The following UBE2E2 variants were observed in gnomAD, a reference collection of about 807,000 sequenced individuals.
The protein encoded by UBE2E2 is ubiquitin conjugating enzyme E2 E2, also known as ubiquitin-conjugating enzyme E2 E2.
A neutral mutation model predicts 24.7 loss-of-function variants in UBE2E2; 6 were observed. That is an observed-to-expected ratio of 0.24 (90% confidence interval 0.13 to 0.48). UBE2E2 has a LOEUF of 0.48. UBE2E2 is among the 20% of genes least tolerant of loss of function. UBE2E2 has a pLI of 0.99. For synonymous variants in UBE2E2, 104 were observed against 83.6 expected (o/e 1.24, Z -1.33); for missense variants, 169 against 245.0 (o/e 0.69, Z 2.07).
rs71974866 is a variant in UBE2E2 at position 23,407,647 on chromosome 3, A to ATGTGTGTGTGTGTGTG, written c.228-91933_228-91918dup. On this transcript the variant is annotated intron_variant, in intron 3 of 5. Coordinates refer to ENST00000396703, the MANE Select transcript of UBE2E2 (RefSeq NM_152653.4). The surrounding 1 kb of genome is among the most constrained non-coding windows in gnomAD (Gnocchi z 4.0). ...TGTGTGTTTGTGTGTGCATGCGTGC[A>ATGTGTGTGTGTGTGTG]TGTGTGTGTGTGTGTGTGTGTGTGT... 7.2e-6 allele frequency among the ~76,000 whole-genome samples: 1 copy of ATGTGTGTGTGTGTGTG among 138,028 alleles called. No individual in the cohort carries two copies. The highest frequency in any genetic ancestry group is 2.7e-5 in the African/African-American group (1 of 37,298). 90.6% of individuals were successfully genotyped at this position (138,028 alleles called of 152,430 possible). A position where few individuals can be genotyped will look rare whatever the true frequency, so the allele number is the denominator to read the frequency against.
intron 3 of UBE2E2, among the ~76,000 whole-genome samples, chr3:23,288,626 T>C (rs1698680695): frequency 6.6e-6 from 1 of 152,222 alleles, no homozygotes; most frequent in African/African-American, 2.4e-5. Context: ...TTATGTTATA[T>C]CCTCTTGCTG....
intron 3 of UBE2E2, among the ~76,000 whole-genome samples, chr3:23,481,526 T>C (rs1699259702): frequency 6.6e-6 from 1 of 152,240 alleles, no homozygotes; most frequent in Admixed American, 6.5e-5. Context: ...TAATGCTTAG[T>C]TCAGTCACAA....
Position 23,443,399 on chromosome 3 carries a change from A to T in UBE2E2, c.228-56209A>T, listed in dbSNP as rs1482486544. ...AGGGGTGGAGAGTCAATACATGGAT[A>T]AGCTATTGTGGTACCTGCCACCACT... On this transcript the variant is annotated intron_variant, in intron 3 of 5. Coordinates refer to ENST00000396703, the MANE Select transcript of UBE2E2 (RefSeq NM_152653.4). 2.0e-5 allele frequency among the ~76,000 whole-genome samples: 3 copies of T among 152,182 alleles called. No individual in the cohort carries two copies. In the East Asian group the frequency reaches 5.8e-4, roughly 29 times the overall value.
Position 23,519,573 on chromosome 3 carries a change from T to C in UBE2E2, c.361-12981T>C, listed in dbSNP as rs562187751. Among the ~76,000 whole-genome samples the C allele has an allele frequency of 2.1e-4, 32 of 152,332 alleles. 1 individual carries two copies. Among genetic ancestry groups the C allele is most frequent in the Admixed American group, 5.9e-4 (9 of 15,290 alleles). On this transcript the variant is annotated intron_variant, in intron 4 of 5. Coordinates refer to ENST00000396703, the MANE Select transcript of UBE2E2 (RefSeq NM_152653.4). Reference sequence around the variant, plus strand: ...AGATTATACATGTTAAGTGAGAGTTTTCAAGTCATGTTGAAACAGTTGTTT... The same window carrying C: ...AGATTATACATGTTAAGTGAGAGTTCTCAAGTCATGTTGAAACAGTTGTTT...
intron 4 of UBE2E2, among the ~76,000 whole-genome samples, chr3:23,524,865 GACACAC>G (rs59806964): frequency 8.1e-5 from 12 of 147,426 alleles, no homozygotes; most frequent in African/African-American, 2.0e-4. Flanking sequence ...CAGACACACA[GACACAC>G]ACACACACAC....
chr3:23,562,889 T>C (rs1328931637), intron 5 of UBE2E2, among the ~76,000 whole-genome samples: 1 of 152,242 alleles, frequency 6.6e-6, no homozygotes, highest in Admixed American at 6.5e-5. Flanking sequence ...GATGGTAGTT[T>C]GTATTTCTGT....
intron 3 of UBE2E2, among the ~76,000 whole-genome samples, chr3:23,307,110 G>C (rs753150220): frequency 1.3e-5 from 2 of 152,144 alleles, no homozygotes; most frequent in Non-Finnish European, 2.9e-5. Context: ...TGCTAACTTG[G>C]AGATGTTTTG....
chr3:23,266,536 T>C (rs1431044358), intron 3 of UBE2E2, among the ~76,000 whole-genome samples: 1 of 152,068 alleles, frequency 6.6e-6, no homozygotes, highest in African/African-American at 2.4e-5. Context: ...GGCTTCCCTT[T>C]GTGGGTAACC....
intron 3 of UBE2E2, among the ~76,000 whole-genome samples, chr3:23,357,750 A>G (rs559413245): frequency 2.0e-5 from 3 of 152,344 alleles, no homozygotes; most frequent in African/African-American, 7.2e-5. Flanking sequence ...CAGCAACAGT[A>G]TCTGACTCCT....
intron 3 of UBE2E2, among the ~76,000 whole-genome samples, chr3:23,220,864 A>C (rs1465640715): frequency 6.6e-6 from 1 of 152,238 alleles, no homozygotes; most frequent in African/African-American, 2.4e-5. Context: ...GCAAGATCTT[A>C]GATCTGTGCA....
At position 23,428,150 on chromosome 3, in the gene UBE2E2, G is replaced by A. The variant is rs926033304; in HGVS notation, c.228-71458G>A. Among the ~76,000 whole-genome samples, 12 of 152,148 alleles carry A rather than the reference G, an allele frequency of 7.9e-5. No individual in the cohort carries two copies. In the East Asian group the frequency reaches 2.3e-3, roughly 29 times the overall value. On this transcript the variant is annotated intron_variant, in intron 3 of 5. Transcript: ENST00000396703. ...TAAGCTCACATGAAACATTCACCAA[G>A]GTAAACTGCATTCTGGATCATAAAA... is the stretch of plus-strand genomic sequence containing the variant.
intron 3 of UBE2E2, among the ~76,000 whole-genome samples, chr3:23,362,980 G>GT (rs1333682437): frequency 6.6e-6 from 1 of 152,156 alleles, no homozygotes; most frequent in African/African-American, 2.4e-5. Flanking sequence ...AGAAGAGATT[G>GT]GGGGGTCTAT....
intron 3 of UBE2E2, among the ~76,000 whole-genome samples, chr3:23,345,486 C>T (rs919819181): frequency 6.6e-6 from 1 of 152,118 alleles, no homozygotes; most frequent in African/African-American, 2.4e-5. Context: ...TTCTTTAGAG[C>T]TTTGATTGCA....
chr3:23,212,747 G>C (rs1054884742), intron 2 of UBE2E2, among the ~76,000 whole-genome samples: 3 of 151,984 alleles, frequency 2.0e-5, no homozygotes, highest in African/African-American at 7.2e-5. Flanking sequence ...TGTAATTACT[G>C]TATTTTCTTC....
chr3:23,331,945 A>T (rs1012541912), intron 3 of UBE2E2, among the ~76,000 whole-genome samples: 5 of 152,190 alleles, frequency 3.3e-5, no homozygotes, highest in South Asian at 2.1e-4. Context: ...TAATTTTAAA[A>T]TTTTTTTTAA....
chr3:23,524,659 G>A (rs914079213), intron 4 of UBE2E2, among the ~76,000 whole-genome samples: 2 of 152,118 alleles, frequency 1.3e-5, no homozygotes, highest in African/African-American at 4.8e-5. Flanking sequence ...AGGAAAGAGA[G>A]GCTCAGAGTT....
chr3:23,217,434 A>G (rs887037240), intron 3 of UBE2E2, 122 bp downstream of exon 3: 10 of 865,294 alleles, frequency 1.2e-5, no homozygotes, highest in Admixed American at 8.8e-5. Context: ...TGTTGTTTGA[A>G]CTTAAGTGAC....
intron 3 of UBE2E2, among the ~76,000 whole-genome samples, chr3:23,459,141 C>A (rs1698753534): frequency 6.6e-6 from 1 of 152,172 alleles, no homozygotes; most frequent in Admixed American, 6.5e-5. Flanking sequence ...AAATTATTGA[C>A]CTCTGTTATG....
intron 3 of UBE2E2, among the ~76,000 whole-genome samples, chr3:23,221,698 G>A (rs1332485206): frequency 4.0e-5 from 6 of 151,816 alleles, no homozygotes; most frequent in East Asian, 1.9e-4. Context: ...GTGCAATGGC[G>A]TGATCTTGGC....
Sources: allele counts gnomAD v4.1 joint callset (sites outside exome capture counted in the v4.1 genomes callset), GRCh38; gene constraint gnomAD v4.1.1; non-coding constraint Gnocchi (gnomAD v3.1); transcripts MANE v1.5; gene names NCBI Gene and HGNC (gene_info 2026-07-23, HGNC 2026-07-21).